Variants in MN1 observed in about 807,000 individuals in gnomAD.
The protein encoded by MN1 is transcriptional activator MN1.
A neutral mutation model predicts 86.9 loss-of-function variants in MN1; 19 were observed. That is an observed-to-expected ratio of 0.22 (90% CI 0.15 to 0.32). The LOEUF is 0.32. Among genes scored for constraint, MN1 ranks in the 10% least tolerant of loss-of-function variants. MN1 has a pLI of 1.00. For synonymous variants in MN1, 928 were observed against 849.6 expected (o/e 1.09, Z -1.60); for missense variants, 1,841 against 1,862.0 (o/e 0.99, Z 0.21).
intron 1 of MN1, among the ~76,000 whole-genome samples, chr22:27,769,037 A>G (rs952707986): frequency 6.6e-6 from 1 of 152,166 alleles, no homozygotes; most frequent in East Asian, 1.9e-4. Context: ...TTCTTACAAA[A>G]GGCAAGCCCT....
In MN1 at chr22:27,798,637, T is replaced by C. The variant is rs1234684622; in HGVS notation, c.1907A>G (p.His636Arg). ...AQESAWFSGPHPPPGDLLPRR... is the reference protein window; with the variant it reads ...AQESAWFSGPRPPPGDLLPRR... ...GGGCAGCAGGTCTCCGGGCGGCGGA[T>C]GCGGACCTGAGAACCACGCGCTCTC... Residue 636 changes from histidine (H) to arginine (R), a missense_variant, in exon 1 of 2, where the codon CAT becomes CGT. By Grantham distance (29) the His-to-Arg change is conservative. Coordinates refer to ENST00000302326, the MANE Select transcript of MN1 (RefSeq NM_002430.3). The C allele has an allele frequency of 1.9e-6, 3 of 1,561,506 alleles. No homozygotes were observed. Among genetic ancestry groups the C allele is most frequent in the Non-Finnish European group, 2.6e-6 (3 of 1,162,428 alleles).
intron 1 of MN1, among the ~76,000 whole-genome samples, chr22:27,757,324 C>G (rs963987246): frequency 6.6e-6 from 1 of 152,176 alleles, no homozygotes; most frequent in Non-Finnish European, 1.5e-5. Flanking sequence ...CGTGAGCCAC[C>G]GCACCCGGCG....
chr22:27,755,512 A>C (rs1234792798), intron 1 of MN1, among the ~76,000 whole-genome samples: 2 of 151,732 alleles, frequency 1.3e-5, no homozygotes, highest in African/African-American at 4.8e-5. Context: ...ACCACCTCAC[A>C]CTCCATGCCC....
chr22:27,800,799 T>G lies in MN1; in HGVS notation c.-256A>C. 5 of 497,980 alleles carry G rather than the reference T, an allele frequency of 1.0e-5. No homozygotes were observed. Among genetic ancestry groups the G allele is most frequent in the Admixed American group, 3.7e-5 (1 of 27,172 alleles). 30.8% of individuals were successfully genotyped at this position (497,980 alleles called of 1,614,324 possible). A position where few individuals can be genotyped will look rare whatever the true frequency, so the allele number is the denominator to read the frequency against. ...GCCGCGGGGCCTCTAGGAGCCGTGT[T>G]GGGGGGCCCATGCCCCGGGCGGTTG... On this transcript the variant is annotated 5_prime_UTR_variant, in exon 1 of 2. Transcript: ENST00000302326.
At chr22:27,773,027 A>G (rs1484726700) in intron 1 of MN1, among the ~76,000 whole-genome samples, 1 of 151,640 alleles carries the variant, frequency 6.6e-6, no homozygotes, top group Non-Finnish European at 1.5e-5. Flanking sequence ...GGCCCCATAC[A>G]CAGAACCTCT....
rs764947457 is a variant in MN1 at position 27,800,550 on chromosome 22, C to CG, written c.-8dup. 1.2e-6 allele frequency: 2 copies of CG among 1,613,852 alleles called. No homozygotes were observed. Among genetic ancestry groups the CG allele is most frequent in the Non-Finnish European group, 8.5e-7 (1 of 1,179,990 alleles). On this transcript the variant is annotated 5_prime_UTR_variant, in exon 1 of 2. Transcript: ENST00000302326. ...ATTGGTCCAGCCCAAACATACTTGG[C>CG]GGGGGGCAGAGGGGGATCAATAGGG...
intron 1 of MN1, among the ~76,000 whole-genome samples, chr22:27,768,549 T>TGGGAGCTCCTACAAGCTC (rs1242704121): frequency 1.3e-5 from 2 of 152,296 alleles, no homozygotes; most frequent in East Asian, 3.9e-4. Flanking sequence ...GTAGATGCCT[T>TGGGAGCTCCTACAAGCTC]GGGAGCTCCT....
chr22:27,763,100 A>G (rs1483727294), intron 1 of MN1, among the ~76,000 whole-genome samples: 2 of 151,858 alleles, frequency 1.3e-5, no homozygotes, highest in Admixed American at 6.5e-5. Context: ...ATCTCAAAAA[A>G]ACAAAACAAA....
chr22:27,800,643 C>T lies in MN1; in HGVS notation c.-100G>A, dbSNP rs562921577. ...CGTTCCAGCCCAGGATTGGGCGCTCCGGGACGCTCAGCACCGCGGGGGCTC... is the reference window on the plus strand; with the variant it reads ...CGTTCCAGCCCAGGATTGGGCGCTCTGGGACGCTCAGCACCGCGGGGGCTC... On this transcript the variant is annotated 5_prime_UTR_variant, in exon 1 of 2. Coordinates refer to ENST00000302326, the MANE Select transcript of MN1 (RefSeq NM_002430.3). 55 of 1,564,742 alleles carry T rather than the reference C, an allele frequency of 3.5e-5. No individual in the cohort carries two copies. In the African/African-American group the frequency reaches 6.9e-4, roughly 20 times the overall value.
chr22:27,775,525 C>G (rs1284208742), intron 1 of MN1, among the ~76,000 whole-genome samples: 1 of 152,174 alleles, frequency 6.6e-6, no homozygotes, highest in Non-Finnish European at 1.5e-5. Flanking sequence ...TGCATACCGC[C>G]GTGGCCCAGC....
Position 27,800,422 on chromosome 22 carries a change from G to C in MN1, c.122C>G (p.Thr41Ser), listed in dbSNP as rs1291752583. The part of the protein sequence containing the change: ...NTHFKAPAFH[T>S]GGPPGPVDPA... ...ATCCACAGGGCCAGGGGGCCCCCCAGTGTGGAAAGCCGGGGCCTTAAAGTG... is the reference window on the plus strand; with the variant it reads ...ATCCACAGGGCCAGGGGGCCCCCCACTGTGGAAAGCCGGGGCCTTAAAGTG... The change falls in exon 1 of 2, where the codon ACT (threonine) becomes AGT (serine). Residue 41 changes from threonine to serine, a missense_variant. By Grantham distance (58) the Thr-to-Ser change is moderately conservative (BLOSUM62 1). Coordinates refer to ENST00000302326, the MANE Select transcript of MN1 (RefSeq NM_002430.3). The C allele has an allele frequency of 8.1e-6, 13 of 1,614,084 alleles. No individual in the cohort carries two copies. Among genetic ancestry groups the C allele is most frequent in the African/African-American group, 1.3e-5 (1 of 74,954 alleles).
chr22:27,772,790 C>T (rs182004261), intron 1 of MN1, among the ~76,000 whole-genome samples: 4 of 152,062 alleles, frequency 2.6e-5, no homozygotes, highest in Admixed American at 1.3e-4. Context: ...CAAGACAACA[C>T]ACTCATCAGG....
At chr22:27,764,087 G>A (rs895221930) in intron 1 of MN1, among the ~76,000 whole-genome samples, 19 of 152,170 alleles carry the variant, frequency 1.2e-4, no homozygotes, top group African/African-American at 3.9e-4. Flanking sequence ...GGTCAGTCAT[G>A]GAGACCCCTG....
chr22:27,788,361 A>C (rs1054125612), intron 1 of MN1, among the ~76,000 whole-genome samples: 4 of 152,204 alleles, frequency 2.6e-5, no homozygotes, highest in Non-Finnish European at 4.4e-5. Flanking sequence ...TTCAAACAGC[A>C]CACAGGGACC....
intron 1 of MN1, among the ~76,000 whole-genome samples, chr22:27,786,168 T>C (rs1411670572): frequency 6.6e-6 from 1 of 152,012 alleles, no homozygotes; most frequent in African/African-American, 2.4e-5. Flanking sequence ...GTTTTTTGAG[T>C]GGAATTTTAG....
chr22:27,753,992 A>G (rs2146292925), intron 1 of MN1, among the ~76,000 whole-genome samples: 1 of 152,332 alleles, frequency 6.6e-6, no homozygotes, highest in South Asian at 2.1e-4. Context: ...TATTTCCCCC[A>G]CTTTGCACAA....
chr22:27,759,206 A>C (rs1026916241), intron 1 of MN1, among the ~76,000 whole-genome samples: 1 of 151,982 alleles, frequency 6.6e-6, no homozygotes, highest in Non-Finnish European at 1.5e-5. Context: ...ACCCCTGTGG[A>C]GTTGGCCCCC....
In MN1 at chr22:27,797,260, C is replaced by G. The variant is rs2146315599; in HGVS notation, c.3284G>C (p.Gly1095Ala). 2 of 1,584,728 alleles carry G rather than the reference C, an allele frequency of 1.3e-6. No homozygotes were observed. The highest frequency in any genetic ancestry group is 1.7e-6 in the Non-Finnish European group (2 of 1,172,428). Reference sequence around the variant, plus strand: ...GAGGGCGGGCGGGGGCGCCTTCGGTCCGTGTTCCCCGGCGCCTACCCCACG... The same window carrying G: ...GAGGGCGGGCGGGGGCGCCTTCGGTGCGTGTTCCCCGGCGCCTACCCCACG... The part of the protein sequence containing the change: ...PPRGVGAGEH[G>A]PKAPPPALGL... Residue 1095 changes from glycine (G) to alanine (A), a missense_variant, in exon 1 of 2, where the codon GGA (glycine) becomes GCA (alanine). Transcript: ENST00000302326.
In MN1 at chr22:27,798,022, G is replaced by T. The variant is rs916769338; in HGVS notation, c.2522C>A (p.Ala841Asp). ...ACQNMIASLGAPNLNVTFNKK... is the reference protein window; with the variant it reads ...ACQNMIASLGDPNLNVTFNKK... Reference sequence around the variant, plus strand: ...GTTGAAGGTCACGTTGAGGTTGGGGGCCCCGAGGCTGGCGATCATGTTCTG... The same window carrying T: ...GTTGAAGGTCACGTTGAGGTTGGGGTCCCCGAGGCTGGCGATCATGTTCTG... Residue 841 changes from alanine to aspartate, a missense_variant, in exon 1 of 2, where the codon GCC becomes GAC. Ala to Asp is a moderately radical substitution (Grantham distance 126). Coordinates refer to ENST00000302326, the MANE Select transcript of MN1 (RefSeq NM_002430.3). The T allele has an allele frequency of 1.2e-6, 2 of 1,606,152 alleles. No homozygotes were observed. Among genetic ancestry groups the T allele is most frequent in the Admixed American group, 1.7e-5 (1 of 58,418 alleles).
Sources: allele counts gnomAD v4.1 joint callset (sites outside exome capture counted in the v4.1 genomes callset), GRCh38; gene constraint gnomAD v4.1.1; transcripts MANE v1.5; gene names NCBI Gene and HGNC (gene_info 2026-07-23, HGNC 2026-07-21).